The following CALCR variants were observed in gnomAD, a reference collection of about 807,000 sequenced individuals.
CALCR encodes the protein calcitonin receptor.
CALCR carries 47 observed loss-of-function variants against 59.5 expected under a neutral mutation model. That is an observed-to-expected ratio of 0.79 (90% confidence interval 0.63 to 1.01). The LOEUF (loss-of-function observed/expected upper bound fraction) is 1.01. Among genes scored for constraint, CALCR ranks in the 50% least tolerant of loss-of-function variants. The pLI is 0.00. For missense variants in CALCR, 566 were observed against 597.1 expected (o/e 0.95, Z 0.54); for synonymous variants, 213 against 211.3 (o/e 1.01, Z -0.07).
chr7:93,499,701 G>A (rs1406892988), intron 2 of CALCR, among the ~76,000 whole-genome samples: 2 of 151,698 alleles, frequency 1.3e-5, no homozygotes, highest in Non-Finnish European at 2.9e-5. Flanking sequence ...TAAATATGTT[G>A]GTGCTTGGTT....
chr7:93,430,654 A>T, intron 13 of CALCR, among the ~76,000 whole-genome samples: 1 of 152,174 alleles, frequency 6.6e-6, no homozygotes, highest in Non-Finnish European at 1.5e-5. Context: ...CTTGAAGAAC[A>T]AGTGTGATTG....
chr7:93,514,248 G>T (rs1801607103), intron 2 of CALCR, among the ~76,000 whole-genome samples: 1 of 151,818 alleles, frequency 6.6e-6, no homozygotes, highest in Non-Finnish European at 1.5e-5. Flanking sequence ...GTTCAATTTT[G>T]GTTACTATAT....
At chr7:93,451,725 CTTAT>C (rs1800113730) in intron 8 of CALCR, among the ~76,000 whole-genome samples, 1 of 151,842 alleles carries the variant, frequency 6.6e-6, no homozygotes, top group Non-Finnish European at 1.5e-5. Flanking sequence ...TTCTGCATTT[CTTAT>C]TTATTTATTT....
intron 4 of CALCR, 78 bp downstream of exon 4, chr7:93,479,276 T>C: frequency 1.5e-6 from 2 of 1,373,180 alleles, no homozygotes; most frequent in Non-Finnish European, 2.0e-6. Context: ...TTAAAATTAT[T>C]CAACACATAT....
At chr7:93,521,235 C>G (rs1424788749) in intron 2 of CALCR, among the ~76,000 whole-genome samples, 1 of 152,034 alleles carries the variant, frequency 6.6e-6, no homozygotes, top group Non-Finnish European at 1.5e-5. Context: ...TTGGGGCCAG[C>G]CTGGGTGGAC....
chr7:93,518,100 G>A (rs1003458755), intron 2 of CALCR, among the ~76,000 whole-genome samples: 3 of 151,790 alleles, frequency 2.0e-5, no homozygotes, highest in African/African-American at 7.2e-5. Flanking sequence ...GTGTATTTTT[G>A]TAATCACAGA....
intron 2 of CALCR, among the ~76,000 whole-genome samples, chr7:93,530,014 C>T (rs1788790870): frequency 6.6e-6 from 1 of 151,998 alleles, no homozygotes; most frequent in African/African-American, 2.4e-5. Flanking sequence ...ATAGCATGAT[C>T]TCTCAGGTAA....
intron 9 of CALCR, 134 bp downstream of exon 9, chr7:93,443,470 C>A: frequency 1.3e-6 from 1 of 766,000 alleles, no homozygotes; most frequent in Non-Finnish European, 2.1e-6. Flanking sequence ...GAACTCCTGC[C>A]AGTACCTGTG....
At chr7:93,469,570 GTCTC>G (rs572763198) in intron 6 of CALCR, among the ~76,000 whole-genome samples, 64 of 150,256 alleles carry the variant, frequency 4.3e-4, no homozygotes, top group Middle Eastern at 7.0e-3. Flanking sequence ...TGTGTTTCTG[GTCTC>G]TCTCTCTCTC....
At chr7:93,460,572 A>AAAATATAT (rs1554397787) in intron 8 of CALCR, among the ~76,000 whole-genome samples, 2 of 66,542 alleles carry the variant, frequency 3.0e-5, no homozygotes, top group African/African-American at 2.0e-4. Flanking sequence ...AAAAAAAAAA[A>AAAATATAT]ATATATATAT....
chr7:93,535,654 G>A (rs1788965709), intron 2 of CALCR, among the ~76,000 whole-genome samples: 1 of 151,714 alleles, frequency 6.6e-6, no homozygotes, highest in South Asian at 2.1e-4. Context: ...TCACTTGAGA[G>A]ATAAAGAAAA....
At chr7:93,427,920 G>A (rs1223802167) in intron 13 of CALCR, among the ~76,000 whole-genome samples, 1 of 152,134 alleles carries the variant, frequency 6.6e-6, no homozygotes, top group Non-Finnish European at 1.5e-5. Context: ...GGTTCGAGGT[G>A]ACAAATGGCA....
At chr7:93,501,387 T>C (rs1801319089) in intron 2 of CALCR, among the ~76,000 whole-genome samples, 1 of 152,048 alleles carries the variant, frequency 6.6e-6, no homozygotes. Flanking sequence ...ATTTATGAGG[T>C]ACAATGATGA....
At chr7:93,504,664 C>G (rs1224496507) in intron 2 of CALCR, among the ~76,000 whole-genome samples, 2 of 151,976 alleles carry the variant, frequency 1.3e-5, no homozygotes, top group African/African-American at 4.8e-5. Context: ...TTCCTTTTTC[C>G]CCCTAAGCAA....
At chr7:93,443,552 C>A in intron 9 of CALCR, 52 bp downstream of exon 9, 1 of 1,547,240 alleles carries the variant, frequency 6.5e-7, no homozygotes, top group Non-Finnish European at 8.9e-7. Flanking sequence ...AGACTGAAAG[C>A]ATACAGACAG....
intron 2 of CALCR, among the ~76,000 whole-genome samples, chr7:93,494,438 A>G (rs1328048416): frequency 2.0e-5 from 3 of 151,512 alleles, no homozygotes; most frequent in Non-Finnish European, 4.4e-5. Flanking sequence ...GAGAACAAAA[A>G]TAGTATGAAA....
chr7:93,435,937 C>G lies in CALCR; in HGVS notation c.1149+15G>C. 6.6e-7 allele frequency: 1 copy of G among 1,516,672 alleles called. No homozygotes were observed. Among genetic ancestry groups the G allele is most frequent in the Non-Finnish European group, 9.2e-7 (1 of 1,091,852 alleles). 94.0% of individuals were successfully genotyped at this position (1,516,672 alleles called of 1,614,324 possible). On this transcript the variant is annotated intron_variant, in intron 12 of 13. Transcript: ENST00000426151. ...AAGCACAGTAGTTGAATAAATACAC[C>G]TTTGGCTTCCTTACCTGGAAATGAA... is the stretch of plus-strand genomic sequence containing the variant.
chr7:93,557,423 G>A (rs1385971788), intron 2 of CALCR, among the ~76,000 whole-genome samples: 2 of 151,810 alleles, frequency 1.3e-5, no homozygotes, highest in African/African-American at 4.8e-5. Flanking sequence ...AAATAACATG[G>A]TGATTGTAAA....
intron 12 of CALCR, among the ~76,000 whole-genome samples, chr7:93,435,131 G>A (rs2115686362): frequency 6.6e-6 from 1 of 152,208 alleles, no homozygotes; most frequent in Non-Finnish European, 1.5e-5. Context: ...GGCAGACACT[G>A]GACAGCCCAG....
Sources: allele counts gnomAD v4.1 joint callset (sites outside exome capture counted in the v4.1 genomes callset), GRCh38; gene constraint gnomAD v4.1.1; transcripts MANE v1.5; gene names NCBI Gene and HGNC (gene_info 2026-07-23, HGNC 2026-07-21).